Variants in KIF16B observed in about 807,000 individuals in gnomAD.
KIF16B encodes kinesin-like protein KIF16B.
A neutral mutation model predicts 156.3 loss-of-function variants in KIF16B; 98 were observed. The ratio of observed to expected loss-of-function variants is 0.63; its 90% CI spans 0.53 to 0.74. The LOEUF is 0.74. Among genes scored for constraint, KIF16B ranks in the 30% least tolerant of loss-of-function variants. The pLI is 0.00. For synonymous variants in KIF16B, 564 were observed against 583.7 expected (o/e 0.97, Z 0.49); for missense variants, 1,421 against 1,606.5 (o/e 0.88, Z 1.97).
intron 1 of KIF16B, among the ~76,000 whole-genome samples, chr20:16,569,970 C>CTGTG (rs10602666): frequency 0.039 from 5,824 of 149,700 alleles, 381 homozygotes; most frequent in African/African-American, 0.13. Flanking sequence ...ATAGATGAAT[C>CTGTG]TGTGTGTGTG....
intron 13 of KIF16B, 60 bp from the exon 14 acceptor site, chr20:16,429,064 C>T (rs2066432101): frequency 1.4e-6 from 2 of 1,410,114 alleles, no homozygotes; most frequent in Middle Eastern, 1.8e-4. Context: ...CTTGTTTCTT[C>T]ATTTTTCATT....
intron 25 of KIF16B, among the ~76,000 whole-genome samples, chr20:16,288,487 A>C (rs2063260304): frequency 6.6e-6 from 1 of 151,996 alleles, no homozygotes; most frequent in Non-Finnish European, 1.5e-5. Flanking sequence ...TAGTAAACAC[A>C]GTATGTACTG....
chr20:16,379,223 C>T lies in KIF16B; in HGVS notation c.2779G>A (p.Ala927Thr), dbSNP rs755083909. The change falls in exon 19 of 26, where the codon GCA becomes ACA. Residue 927 changes from alanine (A) to threonine (T), a missense_variant. Coordinates refer to ENST00000354981, the MANE Select transcript of KIF16B (RefSeq NM_024704.5). Reference sequence around the variant, plus strand: ...GGGCCTCTGTCAAGAATTTCAAATGCTCTCTGCTTTTCTTCCAACAGAGTT... The same window carrying T: ...GGGCCTCTGTCAAGAATTTCAAATGTTCTCTGCTTTTCTTCCAACAGAGTT... ...LPTLLEEKQR[A>T]FEILDRGPLS... The T allele has an allele frequency of 1.9e-6, 3 of 1,614,142 alleles. No homozygotes were observed. Among genetic ancestry groups the T allele is most frequent in the South Asian group, 1.1e-5 (1 of 91,078 alleles).
At chr20:16,461,338 C>G (rs1332224510) in intron 12 of KIF16B, among the ~76,000 whole-genome samples, 1 of 151,718 alleles carries the variant, frequency 6.6e-6, no homozygotes, top group South Asian at 2.1e-4. Flanking sequence ...AATAAAGAAC[C>G]CAGAAGCTCA....
intron 17 of KIF16B, among the ~76,000 whole-genome samples, chr20:16,384,299 C>G (rs1329416655): frequency 6.6e-6 from 1 of 152,172 alleles, no homozygotes. Context: ...CTGTAAGTGA[C>G]AGTCAGTGTG....
Position 16,451,820 on chromosome 20 carries a change from AT to A in KIF16B, c.1303-21839del, listed in dbSNP as rs536132521. The stretch of plus-strand genomic sequence containing the variant: ...GGTTTTATTTACTTTAATATTCAGT[AT>A]TTTAAAGCTAAGCTCATGTTTACCT... On this transcript the variant is annotated intron_variant, in intron 12 of 25. Transcript: ENST00000354981. Among the ~76,000 whole-genome samples, 424 of 152,202 alleles carry A rather than the reference AT, an allele frequency of 2.8e-3. 1 individual carries two copies. The highest frequency in any genetic ancestry group is 4.9e-3 in the Non-Finnish European group (335 of 68,002).
rs1305748777 is a variant in KIF16B, at chr20:16,427,201, A to G, written c.1515T>C (p.Phe505=). ...GLDLESEHCI[F]ENIGGTVTLI... ...GAGTCACTGTCCCCCCGATATTTTC[A>G]AAGATGCAATGCTCACTCTCCAAGT... The change falls in exon 15 of 26, where the codon TTT becomes TTC. Residue 505 remains phenylalanine (F), a synonymous_variant. Transcript: ENST00000354981. 1.2e-6 allele frequency: 2 copies of G among 1,613,066 alleles called. No homozygotes were observed. Among genetic ancestry groups the G allele is most frequent in the Non-Finnish European group, 1.7e-6 (2 of 1,179,360 alleles).
At chr20:16,466,347 A>C (rs1353666689) in intron 12 of KIF16B, among the ~76,000 whole-genome samples, 1 of 152,210 alleles carries the variant, frequency 6.6e-6, no homozygotes, top group Non-Finnish European at 1.5e-5. Flanking sequence ...TACCCCAAAA[A>C]TGGAGAGATG....
chr20:16,326,510 G>A (rs1444188919), intron 24 of KIF16B, among the ~76,000 whole-genome samples: 1 of 150,496 alleles, frequency 6.6e-6, no homozygotes, highest in African/African-American at 2.4e-5. Flanking sequence ...GTGGGCTAAG[G>A]ACATGAATAG....
At position 16,494,424 on chromosome 20, in the gene KIF16B, A is replaced by G. The variant is rs575649816; in HGVS notation, c.1243-74T>C. On this transcript the variant is annotated intron_variant, in intron 11 of 25. Coordinates refer to ENST00000354981, the MANE Select transcript of KIF16B (RefSeq NM_024704.5). ...AATTTTCTTCTAGTTTCCGAACTCT[A>G]ATATCTCATGGAAAGATGTACTATA... The G allele has an allele frequency of 4.4e-6, 4 of 917,848 alleles. No individual in the cohort carries two copies. In the East Asian group the frequency reaches 1.0e-4, roughly 24 times the overall value. 56.9% of individuals were successfully genotyped at this position (917,848 alleles called of 1,614,324 possible).
intron 23 of KIF16B, among the ~76,000 whole-genome samples, chr20:16,346,874 A>C (rs1392827857): frequency 6.6e-6 from 1 of 152,174 alleles, no homozygotes; most frequent in Non-Finnish European, 1.5e-5. Context: ...ATGACAGTCT[A>C]AGCAATTTTC....
At chr20:16,333,183 C>T (rs2063978885) in intron 24 of KIF16B, among the ~76,000 whole-genome samples, 1 of 152,118 alleles carries the variant, frequency 6.6e-6, no homozygotes, top group Admixed American at 6.5e-5. Context: ...TACTGCAGGG[C>T]CTTTGCACTT....
At position 16,370,592 on chromosome 20, in the gene KIF16B, T is replaced by C. The variant is rs752766909; in HGVS notation, c.3492A>G (p.Lys1164=). The C allele has an allele frequency of 9.5e-6, 15 of 1,578,194 alleles. 1 individual carries two copies. In the South Asian group the frequency reaches 1.2e-4, roughly 13 times the overall value. Residue 1164 remains lysine, a synonymous_variant, in exon 22 of 26, where the codon AAA becomes AAG. Coordinates refer to ENST00000354981, the MANE Select transcript of KIF16B (RefSeq NM_024704.5). ...LHNGTIQRKL[K]YERMVSRSLG... is the part of the protein sequence containing the mutation. ...CTGAAAAATCATTACCTACCTCATA[T>C]TTTAGTTTACGTTGAATGGTGCCAT...
chr20:16,568,718 G>A (rs1342147349), intron 1 of KIF16B, among the ~76,000 whole-genome samples: 5 of 150,504 alleles, frequency 3.3e-5, no homozygotes, highest in African/African-American at 1.2e-4. Context: ...AGGAGCCTGA[G>A]GCAGGGAGAT....
At chr20:16,298,676 T>C (rs1275400354) in intron 25 of KIF16B, among the ~76,000 whole-genome samples, 1 of 152,062 alleles carries the variant, frequency 6.6e-6, no homozygotes, top group Non-Finnish European at 1.5e-5. Context: ...AGAAAGACCA[T>C]CAGACATCAA....
At chr20:16,472,031 A>G (rs1222526180) in intron 12 of KIF16B, among the ~76,000 whole-genome samples, 2 of 152,234 alleles carry the variant, frequency 1.3e-5, no homozygotes, top group Non-Finnish European at 2.9e-5. Context: ...AACAACAAAA[A>G]TTACAACCAT....
intron 25 of KIF16B, among the ~76,000 whole-genome samples, chr20:16,288,310 A>C (rs2063256433): frequency 6.6e-6 from 1 of 152,216 alleles, no homozygotes; most frequent in Non-Finnish European, 1.5e-5. Flanking sequence ...TTAGGATTAG[A>C]AGATTAAAGG....
intron 24 of KIF16B, among the ~76,000 whole-genome samples, chr20:16,320,054 G>A (rs2063751943): frequency 6.6e-6 from 1 of 152,074 alleles, no homozygotes; most frequent in Admixed American, 6.5e-5. Context: ...ATCACATCAT[G>A]GGGCTGCTGT....
intron 10 of KIF16B, among the ~76,000 whole-genome samples, chr20:16,498,117 G>T (rs1236297799): frequency 6.6e-6 from 1 of 152,030 alleles, no homozygotes; most frequent in Non-Finnish European, 1.5e-5. Flanking sequence ...ACTGCTGATG[G>T]TATACCCCAT....
Sources: gnomAD v4.1 joint callset for allele counts (sites outside exome capture counted in the v4.1 genomes callset) on GRCh38, gnomAD v4.1.1 for gene constraint, MANE v1.5 for transcripts, NCBI Gene and HGNC (gene_info 2026-07-23, HGNC 2026-07-21) for gene names.